Variants in DNM3 observed in about 807,000 individuals in gnomAD.
The protein encoded by DNM3 is dynamin 3.
In DNM3, 47 loss-of-function variants were observed where a neutral mutation model predicts 101.6. The observed-to-expected ratio is 0.46, with a 90% CI of 0.37 to 0.59. The LOEUF (loss-of-function observed/expected upper bound fraction) is 0.59, where lower values mean the gene tolerates loss of function less well. Ranked by LOEUF, DNM3 falls within the 20% of genes least tolerant of loss-of-function variation. DNM3 has a pLI of 0.00. For synonymous variants in DNM3, 385 were observed against 387.9 expected, an observed-to-expected ratio of 0.99 and a Z score of 0.09; for missense variants, 849 against 1,085.7, an observed-to-expected ratio of 0.78 and a Z score of 3.06.
intron 1 of DNM3, among the ~76,000 whole-genome samples, chr1:171,902,981 C>G (rs891364929): frequency 1.3e-5 from 2 of 151,918 alleles, no homozygotes; most frequent in African/African-American, 4.8e-5. Context: ...AGTGGGACCT[C>G]GTCTCTACAG....
chr1:172,260,277 T>C (rs1458014742), intron 15 of DNM3, among the ~76,000 whole-genome samples: 1 of 152,136 alleles, frequency 6.6e-6, no homozygotes, highest in Non-Finnish European at 1.5e-5. Context: ...CTTTGATTTT[T>C]GAGTTTGGCT....
At chr1:171,869,961 TA>T (rs2035117967) in intron 1 of DNM3, among the ~76,000 whole-genome samples, 2 of 152,200 alleles carry the variant, frequency 1.3e-5, no homozygotes, top group Admixed American at 6.5e-5. Context: ...TTTTCTTCAC[TA>T]ATCATTTGGG....
chr1:172,362,961 CCCTCCTCACCTTTTTTTTAACT>C (rs1487594797), intron 17 of DNM3, among the ~76,000 whole-genome samples: 1 of 151,678 alleles, frequency 6.6e-6, no homozygotes, highest in Non-Finnish European at 1.5e-5. Context: ...GATCTTTGAA[CCCTCCTCACCTTTTTTTTAACT>C]CCTTATGGTC....
chr1:172,402,009 A>G (rs941291947), intron 20 of DNM3, among the ~76,000 whole-genome samples: 5 of 152,176 alleles, frequency 3.3e-5, no homozygotes, highest in Non-Finnish European at 7.3e-5. Context: ...GTGTGCTCCA[A>G]CCCGATTTAT....
At chr1:172,306,194 C>T (rs1281389946) in intron 15 of DNM3, among the ~76,000 whole-genome samples, 2 of 152,174 alleles carry the variant, frequency 1.3e-5, no homozygotes, top group African/African-American at 4.8e-5. Flanking sequence ...TCTCAGGATA[C>T]AAAATCAATG....
At chr1:172,148,927 C>T (rs912108546) in intron 14 of DNM3, among the ~76,000 whole-genome samples, 2 of 152,082 alleles carry the variant, frequency 1.3e-5, no homozygotes, top group Admixed American at 1.3e-4. Flanking sequence ...CAAATCACTG[C>T]AGTGAAGTGC....
chr1:172,108,518 T>C (rs997816115), intron 13 of DNM3, among the ~76,000 whole-genome samples: 29 of 152,206 alleles, frequency 1.9e-4, no homozygotes, highest in African/African-American at 7.0e-4. Context: ...TTTCTAATTA[T>C]GTAAGTGCAG....
At chr1:172,218,074 T>C (rs931579448) in intron 14 of DNM3, among the ~76,000 whole-genome samples, 3 of 152,172 alleles carry the variant, frequency 2.0e-5, no homozygotes. Flanking sequence ...GTTTCCTACA[T>C]GTTTGAGGGT....
intron 17 of DNM3, among the ~76,000 whole-genome samples, chr1:172,355,210 A>T (rs559049328): frequency 2.0e-5 from 3 of 152,010 alleles, no homozygotes; most frequent in Non-Finnish European, 4.4e-5. Flanking sequence ...AGCCCAGCTA[A>T]ACTTGAATAC....
chr1:171,968,813 T>C (rs1473310866), intron 2 of DNM3, among the ~76,000 whole-genome samples: 1 of 152,162 alleles, frequency 6.6e-6, no homozygotes, highest in African/African-American at 2.4e-5. Flanking sequence ...AATTTAAATA[T>C]TGTTTTTAAT....
intron 12 of DNM3, among the ~76,000 whole-genome samples, chr1:172,087,790 T>C (rs1572452266): frequency 6.6e-6 from 1 of 152,222 alleles, no homozygotes; most frequent in Non-Finnish European, 1.5e-5. Flanking sequence ...CTTCTGAGAT[T>C]CTCTGTTACT....
At chr1:172,295,426 A>G (rs1209802818) in intron 15 of DNM3, among the ~76,000 whole-genome samples, 1 of 152,216 alleles carries the variant, frequency 6.6e-6, no homozygotes, top group Admixed American at 6.5e-5. Context: ...CAGAAATAAT[A>G]TGTCAGTATT....
Position 172,407,833 on chromosome 1 carries a change from T to C in DNM3, c.2584T>C (p.Leu862=), listed in dbSNP as rs1230533676. The change falls in exon 21 of 21, where the codon TTA becomes CTA. Residue 862 remains leucine, a synonymous_variant. Transcript: ENST00000627582. ...TIIRPLESSL[L]D is the part of the protein sequence containing the mutation. ...AATCCGCCCACTAGAATCCTCCCTG[T>C]TAGACTAAACGAAGTGTCTGGCATG... 6.2e-7 allele frequency: 1 copy of C among 1,613,078 alleles called. No individual in the cohort carries two copies. The highest frequency in any genetic ancestry group is 8.5e-7 in the Non-Finnish European group (1 of 1,179,272).
chr1:172,224,509 G>A (rs2061029118), intron 14 of DNM3, among the ~76,000 whole-genome samples: 1 of 151,972 alleles, frequency 6.6e-6, no homozygotes, highest in Non-Finnish European at 1.5e-5. Flanking sequence ...TGAAGATGAG[G>A]TGGATGGTAA....
chr1:171,947,875 A>G (rs2042261467), intron 2 of DNM3, among the ~76,000 whole-genome samples: 1 of 152,242 alleles, frequency 6.6e-6, no homozygotes, highest in African/African-American at 2.4e-5. Flanking sequence ...TTTAGCAGAG[A>G]AAATGAGAGG....
chr1:172,115,571 C>G (rs1456915059), intron 13 of DNM3, among the ~76,000 whole-genome samples: 1 of 152,182 alleles, frequency 6.6e-6, no homozygotes, highest in East Asian at 1.9e-4. Flanking sequence ...GATCCAAGTT[C>G]CTAAGGCTCC....
At chr1:172,077,827 A>G (rs534133759) in intron 11 of DNM3, among the ~76,000 whole-genome samples, 1 of 152,324 alleles carries the variant, frequency 6.6e-6, no homozygotes, top group East Asian at 1.9e-4. Context: ...TGCTTGGTGC[A>G]GAGCTGAGTT....
chr1:171,987,412 G>A (rs751305072), intron 2 of DNM3: 4 of 781,756 alleles, frequency 5.1e-6, no homozygotes, highest in Admixed American at 1.3e-4. Flanking sequence ...GATGGTTTAG[G>A]GACTGGTTTT....
chr1:172,320,085 A>T (rs1020569902), intron 16 of DNM3, among the ~76,000 whole-genome samples: 1 of 151,698 alleles, frequency 6.6e-6, no homozygotes, highest in Non-Finnish European at 1.5e-5. Flanking sequence ...CTTTGTAGGG[A>T]CATGGATGAA....
Sources: allele counts gnomAD v4.1 joint callset (sites outside exome capture counted in the v4.1 genomes callset), GRCh38; gene constraint gnomAD v4.1.1; transcripts MANE v1.5; gene names NCBI Gene and HGNC (gene_info 2026-07-23, HGNC 2026-07-21).